Variants in ANXA8 observed in about 807,000 individuals in gnomAD.
ANXA8 encodes the protein annexin A8, also known as VAC-beta.
In ANXA8, 9 loss-of-function variants were observed where a neutral mutation model predicts 26.8. The observed-to-expected ratio is 0.34, with a 90% CI of 0.20 to 0.59. ANXA8 has a LOEUF of 0.59. ANXA8 is among the 20% of genes least tolerant of loss of function. The probability of loss-of-function intolerance (pLI) is 0.84; values close to 1 mark genes in which losing one functional copy is unlikely to be tolerated. For missense variants in ANXA8, 83 were observed against 238.5 expected (o/e 0.35, Z 4.29); for synonymous variants, 39 against 94.8 (o/e 0.41, Z 3.42).
chr10:47,956,889 G>A, the ANXA8 span, among the ~76,000 whole-genome samples: 5 of 150,058 alleles, frequency 3.3e-5, no homozygotes, highest in Non-Finnish European at 4.4e-5. Flanking sequence ...ATCCACAAAC[G>A]CCTTGGTGTT....
the ANXA8 span, among the ~76,000 whole-genome samples, chr10:47,778,992 CAG>C: frequency 1.3e-3 from 195 of 151,644 alleles, no homozygotes; most frequent in African/African-American, 4.5e-3. Flanking sequence ...GAACATGAAA[CAG>C]AATTTCATAA....
the ANXA8 span, among the ~76,000 whole-genome samples, chr10:47,932,714 C>CTCTT: frequency 2.4e-5 from 2 of 83,764 alleles, no homozygotes; most frequent in Non-Finnish European, 4.5e-5. Flanking sequence ...CTCTCTCTCT[C>CTCTT]TCTTTCTCTG....
the ANXA8 span, among the ~76,000 whole-genome samples, chr10:47,647,507 T>C: frequency 6.7e-6 from 1 of 149,816 alleles, no homozygotes; most frequent in Admixed American, 6.6e-5. Context: ...AAGGAATAAA[T>C]TGGAGCACAG....
the ANXA8 span, among the ~76,000 whole-genome samples, chr10:47,658,266 GTCCCA>G: frequency 4.0e-5 from 6 of 150,382 alleles, no homozygotes; most frequent in African/African-American, 1.5e-4. Flanking sequence ...TACTCGGGTA[GTCCCA>G]ACTACTTGGG....
At chr10:47,491,837 T>C in the ANXA8 span, 1 of 633,352 alleles carries the variant, frequency 1.6e-6, no homozygotes, top group Admixed American at 2.9e-5. Flanking sequence ...AGGAAGGGGC[T>C]GGGCGGAGCC....
the ANXA8 span, among the ~76,000 whole-genome samples, chr10:47,563,974 A>G: frequency 2.0e-5 from 3 of 147,556 alleles, no homozygotes; most frequent in Non-Finnish European, 4.5e-5. Flanking sequence ...GAAGGAGAGT[A>G]AATAAGCTAT....
At chr10:47,948,597 CT>C in the ANXA8 span, among the ~76,000 whole-genome samples, 1 of 147,966 alleles carries the variant, frequency 6.8e-6, no homozygotes, top group South Asian at 2.1e-4. Context: ...TTAAATGAAT[CT>C]TTAGTAACCT....
chr10:47,950,734 T>C, the ANXA8 span, among the ~76,000 whole-genome samples: 1 of 151,018 alleles, frequency 6.6e-6, no homozygotes, highest in South Asian at 2.1e-4. Flanking sequence ...AAATAATACA[T>C]GGATCAAAGA....
the ANXA8 span, among the ~76,000 whole-genome samples, chr10:47,716,066 C>T: frequency 1.4e-4 from 20 of 148,044 alleles, no homozygotes; most frequent in Non-Finnish European, 2.7e-4. Context: ...GCCACCACAC[C>T]CAGCTATTTA....
At chr10:47,687,189 A>T in the ANXA8 span, among the ~76,000 whole-genome samples, 5 of 151,868 alleles carry the variant, frequency 3.3e-5, no homozygotes, top group Non-Finnish European at 7.4e-5. Context: ...AAAGCCAAAG[A>T]TCTGATGGAG....
chr10:47,722,691 G>A, the ANXA8 span, among the ~76,000 whole-genome samples: 1 of 141,566 alleles, frequency 7.1e-6, no homozygotes, highest in Non-Finnish European at 1.6e-5. Context: ...AGTTCCAGGT[G>A]GAAGCCAGCC....
chr10:47,487,222 A>G, upstream of ANXA8: 1 of 1,127,480 alleles, frequency 8.9e-7, no homozygotes, highest in Non-Finnish European at 1.3e-6. Flanking sequence ...CTCAATGTAC[A>G]CATGTCATGG....
At chr10:47,549,031 T>C in the ANXA8 span, among the ~76,000 whole-genome samples, 2 of 152,252 alleles carry the variant, frequency 1.3e-5, no homozygotes, top group Non-Finnish European at 2.9e-5. Flanking sequence ...GAGCTCTTAT[T>C]AGCTGTGTTC....
At chr10:47,720,084 TTTGATGGAAAATAA>T in the ANXA8 span, 4 of 981,506 alleles carry the variant, frequency 4.1e-6, no homozygotes, top group African/African-American at 7.4e-5. Context: ...AGCAAGCCAA[TTTGATGGAAAATAA>T]TTATTATAGA....
the ANXA8 span, among the ~76,000 whole-genome samples, chr10:47,988,931 C>G: frequency 6.6e-6 from 1 of 151,800 alleles, no homozygotes; most frequent in Non-Finnish European, 1.5e-5. Flanking sequence ...TCCACACACA[C>G]GATATCCCTT....
At chr10:47,506,561 C>A in the ANXA8 span, among the ~76,000 whole-genome samples, 1 of 142,280 alleles carries the variant, frequency 7.0e-6, no homozygotes, top group Admixed American at 7.2e-5. Context: ...AACTCCTGAC[C>A]TCAAGTGATC....
At chr10:47,943,689 T>C in the ANXA8 span, among the ~76,000 whole-genome samples, 1 of 151,576 alleles carries the variant, frequency 6.6e-6, no homozygotes, top group Admixed American at 6.6e-5. Context: ...GATTTCTCTC[T>C]ATAGTAAGGC....
the ANXA8 span, among the ~76,000 whole-genome samples, chr10:47,733,275 C>CTTT: frequency 2.0e-5 from 2 of 100,168 alleles, no homozygotes; most frequent in Admixed American, 2.3e-4. Flanking sequence ...TTCTTTCTTT[C>CTTT]TTTCTTTCTT....
the ANXA8 span, among the ~76,000 whole-genome samples, chr10:47,668,001 G>A: frequency 2.0e-5 from 3 of 151,982 alleles, no homozygotes; most frequent in Non-Finnish European, 2.9e-5. Context: ...GCCTCCCAAA[G>A]TGCTGGGATT....
Sources: gnomAD v4.1 joint callset for allele counts (sites outside exome capture counted in the v4.1 genomes callset) on GRCh38, gnomAD v4.1.1 for gene constraint, MANE v1.5 for transcripts, NCBI Gene and HGNC (gene_info 2026-07-23, HGNC 2026-07-21) for gene names.